FMO3: variants seen among roughly 807,000 people sequenced by gnomAD.
FMO3 encodes flavin containing dimethylaniline monoxygenase 3.
FMO3 carries 40 observed loss-of-function variants against 39.4 expected under a neutral mutation model. That is an observed-to-expected ratio of 1.02 (90% CI 0.79 to 1.32). FMO3 has a LOEUF of 1.32. FMO3 is among the 40% of genes most tolerant of loss of function. The pLI is 0.00. For synonymous variants in FMO3, 219 were observed against 228.8 expected (o/e 0.96, Z 0.39); for missense variants, 680 against 651.8 (o/e 1.04, Z -0.47).
At chr1:171,095,949 GTAT>G (rs1654963076) in intron 2 of FMO3, among the ~76,000 whole-genome samples, 4 of 2,722 alleles carry the variant, frequency 1.5e-3, no homozygotes, top group African/African-American at 5.2e-3. Flanking sequence ...ATATATTTAT[GTAT>G]TATAATTATA....
intron 2 of FMO3, among the ~76,000 whole-genome samples, chr1:171,096,690 TTA>T (rs1482887659): frequency 9.5e-5 from 13 of 136,450 alleles, no homozygotes; most frequent in African/African-American, 3.5e-4. Flanking sequence ...TAAAATATAA[TTA>T]ATATAATTAT....
Position 171,101,599 on chromosome 1 carries a change from T to TA in FMO3, c.133-2184dup, listed in dbSNP as rs1343606734. 4.9e-5 allele frequency: 22 copies of TA among 451,854 alleles called. No homozygotes were observed. The East Asian group carries it at 1.5e-3, about 30-fold the overall frequency. The allele number at this position is 451,854 out of a possible 1,614,324, so 28.0% of individuals were successfully genotyped here. A position where few individuals can be genotyped will look rare whatever the true frequency, so the allele number is the denominator to read the frequency against. On this transcript the variant is annotated intron_variant, in intron 2 of 8. Transcript: ENST00000367755. ...ACATTGGTTAAAACTTAGCTAACAC[T>TA]AAGGGTGCATATAGTTGAAACTGTT...
intron 7 of FMO3, among the ~76,000 whole-genome samples, chr1:171,115,380 A>C (rs1360321442): frequency 6.6e-6 from 1 of 151,888 alleles, no homozygotes; most frequent in African/African-American, 2.4e-5. Context: ...AGGCTAAAAA[A>C]CAGTCTCTTT....
At chr1:171,096,223 T>G (rs1571202547) in intron 2 of FMO3, among the ~76,000 whole-genome samples, 1 of 54,142 alleles carries the variant, frequency 1.8e-5, no homozygotes, top group South Asian at 6.5e-4. Context: ...TATATATAAA[T>G]ACATAAAATA....
chr1:171,096,992 C>T (rs1405259267), intron 2 of FMO3, among the ~76,000 whole-genome samples: 2 of 150,672 alleles, frequency 1.3e-5, no homozygotes, highest in Non-Finnish European at 2.9e-5. Flanking sequence ...TTCCTGTGTC[C>T]AAGTGTTCTC....
In FMO3 at chr1:171,114,379, G is replaced by A; in HGVS notation, c.1183+17G>A. The A allele has an allele frequency of 1.3e-6, 2 of 1,567,270 alleles. No individual in the cohort carries two copies. Among genetic ancestry groups the A allele is most frequent in the East Asian group, 4.5e-5 (2 of 44,482 alleles). On this transcript the variant is annotated intron_variant, in intron 7 of 8. Transcript: ENST00000367755. ...TAATAAAGGGTAAGTCAATAAAGAG[G>A]CTCATGGATTGCGAAGATGAATGCC...
In FMO3 at chr1:171,114,229, C is replaced by T. The variant is rs148504519; in HGVS notation, c.1050C>T (p.Ile350=). The stretch of plus-strand genomic sequence containing the variant: ...TCATCAAAAGCAGAAACAATGAGAT[C>T]ATTTTATTTAAAGGAGTATTTCCTC... The part of the protein sequence containing the change: ...ESIIKSRNNE[I]ILFKGVFPPL... The change falls in exon 7 of 9, where the codon ATC becomes ATT. Residue 350 remains isoleucine, a synonymous_variant. Transcript: ENST00000367755. The T allele has an allele frequency of 2.0e-4, 324 of 1,613,926 alleles. No individual in the cohort carries two copies. In the African/African-American group the frequency reaches 3.8e-3, roughly 19 times the overall value.
intron 6 of FMO3, among the ~76,000 whole-genome samples, chr1:171,113,626 A>G (rs984023288): frequency 6.6e-6 from 1 of 152,268 alleles, no homozygotes; most frequent in Non-Finnish European, 1.5e-5. Context: ...CAAGAATTTA[A>G]AAAACATAAT....
In FMO3 at chr1:171,117,097, C is replaced by T; in HGVS notation, c.1257-3C>T. ...ACAGTGGTGTTTTCTCTCCCATCTC[C>T]AGGTTTGGCAAAAGCGAGACCATAC... On this transcript the variant is annotated splice_region_variant and splice_polypyrimidine_tract_variant and intron_variant, in intron 8 of 8. Coordinates refer to ENST00000367755, the MANE Select transcript of FMO3 (RefSeq NM_001002294.3). 2 of 1,612,442 alleles carry T rather than the reference C, an allele frequency of 1.2e-6. No homozygotes were observed. The highest frequency in any genetic ancestry group is 3.3e-4 in the Middle Eastern group (2 of 6,056).
At position 171,092,776 on chromosome 1, in the gene FMO3, C is replaced by T. The variant is rs1013602821; in HGVS notation, c.118C>T (p.Leu40=). 2 of 1,613,844 alleles carry T rather than the reference C, an allele frequency of 1.2e-6. No homozygotes were observed. The highest frequency in any genetic ancestry group is 1.7e-6 in the Non-Finnish European group (2 of 1,179,962). Residue 40 remains leucine, a synonymous_variant, in exon 2 of 9, where the codon CTG becomes TTG. Coordinates refer to ENST00000367755, the MANE Select transcript of FMO3 (RefSeq NM_001002294.3). ...TGAGAAGAGCAATGACATTGGGGGC[C>T]TGTGGAAATTTTCAGTGAGTAGCAT... ...CFEKSNDIGG[L]WKFSDHAEEG...
In FMO3 at chr1:171,107,766, C is replaced by A. The variant is rs190217183; in HGVS notation, c.413C>A (p.Ala138Asp). 5.6e-6 allele frequency: 9 copies of A among 1,613,858 alleles called. No individual in the cohort carries two copies. In the Admixed American group the frequency reaches 1.2e-4, roughly 21 times the overall value. ...TTERDGKKES[A>D]VFDAVMVCSG... ...GAAAGGGATGGTAAAAAAGAATCGG[C>A]TGTCTTTGATGCTGTAATGGTTTGT... The change falls in exon 4 of 9, where the codon GCT becomes GAT. Residue 138 changes from alanine to aspartate, a missense_variant. Physicochemically the swap from Ala to Asp is moderately radical, Grantham distance 126. Transcript: ENST00000367755.
intron 3 of FMO3, among the ~76,000 whole-genome samples, chr1:171,104,974 A>AT (rs1403848649): frequency 3.3e-5 from 5 of 152,170 alleles, no homozygotes; most frequent in Non-Finnish European, 7.4e-5. Flanking sequence ...GATAGACAAA[A>AT]TGGATACAGA....
intron 2 of FMO3, among the ~76,000 whole-genome samples, chr1:171,093,539 A>T (rs753529244): frequency 5.9e-5 from 9 of 151,782 alleles, no homozygotes; most frequent in Non-Finnish European, 1.2e-4. Context: ...CTGTGTGTAT[A>T]TATACATATA....
At chr1:171,096,090 A>G (rs1470004857) in intron 2 of FMO3, among the ~76,000 whole-genome samples, 7 of 80,364 alleles carry the variant, frequency 8.7e-5, no homozygotes, top group African/African-American at 3.7e-4. Flanking sequence ...AATATATATT[A>G]ATATTTTTAT....
chr1:171,100,153 G>A (rs1571209072), intron 2 of FMO3: 2 of 152,196 alleles, frequency 1.3e-5, no homozygotes, highest in African/African-American at 2.4e-5. Flanking sequence ...AGACGTTGCT[G>A]AAGATAGAAC....
intron 2 of FMO3, among the ~76,000 whole-genome samples, chr1:171,094,505 A>G (rs1392419983): frequency 1.3e-5 from 2 of 152,148 alleles, no homozygotes; most frequent in Non-Finnish European, 2.9e-5. Flanking sequence ...GGCCTTAGTC[A>G]TAAATTCTTA....
chr1:171,116,157 G>T (rs763480990), intron 7 of FMO3, 51 bp from the exon 8 acceptor site: 8 of 1,095,628 alleles, frequency 7.3e-6, no homozygotes, highest in South Asian at 1.3e-5. Flanking sequence ...ATTACAGGCT[G>T]GTCCTATGCC....
chr1:171,111,628 A>G (rs944354871), intron 6 of FMO3, among the ~76,000 whole-genome samples: 5 of 152,132 alleles, frequency 3.3e-5, no homozygotes, highest in African/African-American at 1.2e-4. Flanking sequence ...TTGCATCTTC[A>G]GTCTCCTTCC....
rs543625198 is a variant in FMO3, at chr1:171,105,215, A to G, written c.321+1242A>G. The stretch of plus-strand genomic sequence containing the variant: ...GTGAGTACTTCCAAACTTGCAGTGA[A>G]CAAGTTATTTCAATATTTTAGAAAC... On this transcript the variant is annotated intron_variant, in intron 3 of 8. Coordinates refer to ENST00000367755, the MANE Select transcript of FMO3 (RefSeq NM_001002294.3). Among the ~76,000 whole-genome samples the G allele has an allele frequency of 6.6e-5, 10 of 152,328 alleles. No individual in the cohort carries two copies. The South Asian group carries it at 1.9e-3, about 28-fold the overall frequency.
Sources: gnomAD v4.1 joint callset for allele counts (sites outside exome capture counted in the v4.1 genomes callset) on GRCh38, gnomAD v4.1.1 for gene constraint, MANE v1.5 for transcripts, NCBI Gene and HGNC (gene_info 2026-07-23, HGNC 2026-07-21) for gene names.